EPB41L4A: variants seen among roughly 807,000 people sequenced by gnomAD.
EPB41L4A encodes erythrocyte membrane protein band 4.1 like 4A.
EPB41L4A carries 100 observed loss-of-function variants against 108.6 expected under a neutral mutation model. That is an observed-to-expected ratio of 0.92 (90% confidence interval 0.78 to 1.09). The LOEUF (loss-of-function observed/expected upper bound fraction) is 1.09. EPB41L4A is among the 50% of genes least tolerant of loss of function. The probability of loss-of-function intolerance (pLI) is 0.00; values close to 1 mark genes in which losing one functional copy is unlikely to be tolerated. For synonymous variants in EPB41L4A, 319 were observed against 289.0 expected (o/e 1.10, Z -1.05); for missense variants, 1,030 against 842.7 (o/e 1.22, Z -2.75).
intron 1 of EPB41L4A, among the ~76,000 whole-genome samples, chr5:112,417,362 C>T (rs546071158): frequency 6.6e-6 from 1 of 152,290 alleles, no homozygotes; most frequent in East Asian, 1.9e-4. Flanking sequence ...ACTTTAGACT[C>T]CAGATAATTT....
At position 112,184,051 on chromosome 5, in the gene EPB41L4A, G is replaced by A. The variant is rs1178927913; in HGVS notation, c.1587C>T (p.Asp529=). The change falls in exon 18 of 23, where the codon GAC becomes GAT. Residue 529 remains aspartate, a synonymous_variant. Transcript: ENST00000261486. The part of the protein sequence containing the change: ...LRRQKEKNQA[D]PNNRRSRHRS... Reference sequence around the variant, plus strand: ...TGTGTCTGGATCGCCTGTTGTTGGGGTCGGCTTGGTTTTTTTCCTTTTGTC... The same window carrying A: ...TGTGTCTGGATCGCCTGTTGTTGGGATCGGCTTGGTTTTTTTCCTTTTGTC... 1.2e-6 allele frequency: 2 copies of A among 1,614,024 alleles called. No homozygotes were observed. The highest frequency in any genetic ancestry group is 1.7e-6 in the Non-Finnish European group (2 of 1,179,942).
chr5:112,419,605 G>C (rs772815899), upstream of EPB41L4A: 5 of 454,978 alleles, frequency 1.1e-5, no homozygotes, highest in Middle Eastern at 1.6e-3. Flanking sequence ...AGTATGAAGC[G>C]CTCGGCTTTT....
At chr5:112,289,049 A>G (rs994409049) in intron 2 of EPB41L4A, among the ~76,000 whole-genome samples, 9 of 152,206 alleles carry the variant, frequency 5.9e-5, no homozygotes, top group Non-Finnish European at 1.3e-4. Flanking sequence ...GTATTAAAAC[A>G]TGTCTTTAAA....
At position 112,312,030 on chromosome 5, in the gene EPB41L4A, A is replaced by T. The variant is rs548190942; in HGVS notation, c.100-4540T>A. ...ATGACAATGAGAAGGTACAGATTTTAAAAATATGTAAATCAAATCTGTCTT... is the reference window on the plus strand; with the variant it reads ...ATGACAATGAGAAGGTACAGATTTTTAAAATATGTAAATCAAATCTGTCTT... On this transcript the variant is annotated intron_variant, in intron 1 of 22. Transcript: ENST00000261486. Among the ~76,000 whole-genome samples the T allele has an allele frequency of 2.0e-4, 31 of 152,368 alleles. No individual in the cohort carries two copies. In the East Asian group the frequency reaches 5.0e-3, roughly 25 times the overall value.
chr5:112,143,557 C>T (rs536304978), exon 14 of EPB41L4A: 2 of 167,960 alleles, frequency 1.2e-5, no homozygotes, highest in Admixed American at 1.3e-4. Context: ...AGACTGAGAT[C>T]CAGACCTCAA....
intron 1 of EPB41L4A, among the ~76,000 whole-genome samples, chr5:112,370,905 C>T (rs946036386): frequency 3.3e-5 from 5 of 152,200 alleles, no homozygotes; most frequent in African/African-American, 1.2e-4. Context: ...CACCACTGCA[C>T]TCCAGCCTGG....
chr5:112,151,053 T>C (rs1759445646), intron 12 of EPB41L4A, among the ~76,000 whole-genome samples: 2 of 152,170 alleles, frequency 1.3e-5, no homozygotes, highest in Non-Finnish European at 2.9e-5. Flanking sequence ...GCATTTCTAA[T>C]AAGCTCTCTA....
intron 1 of EPB41L4A, among the ~76,000 whole-genome samples, chr5:112,412,407 C>T (rs10039730): frequency 2.0e-5 from 3 of 152,092 alleles, no homozygotes; most frequent in Non-Finnish European, 4.4e-5. Context: ...ATTCACAATA[C>T]GCAGCATTAA....
chr5:112,222,071 T>C (rs1748093611), intron 12 of EPB41L4A, among the ~76,000 whole-genome samples: 1 of 152,208 alleles, frequency 6.6e-6, no homozygotes, highest in African/African-American at 2.4e-5. Flanking sequence ...TCCCCCTCTC[T>C]CTTGGCTAGG....
At chr5:112,379,615 C>T (rs1184349560) in intron 1 of EPB41L4A, among the ~76,000 whole-genome samples, 1 of 152,182 alleles carries the variant, frequency 6.6e-6, no homozygotes, top group East Asian at 1.9e-4. Context: ...CCTGCTTTCT[C>T]ATCTGCAAAA....
intron 1 of EPB41L4A, among the ~76,000 whole-genome samples, chr5:112,324,057 T>C (rs1755984380): frequency 6.6e-6 from 1 of 152,198 alleles, no homozygotes; most frequent in African/African-American, 2.4e-5. Context: ...TTTGAGGATA[T>C]GCTCTAATAG....
At chr5:112,339,474 C>A (rs28436998) in intron 1 of EPB41L4A, among the ~76,000 whole-genome samples, 35 of 115,680 alleles carry the variant, frequency 3.0e-4, no homozygotes, top group Admixed American at 1.5e-3. Context: ...ATATATATAT[C>A]TATATATATA....
chr5:112,353,972 A>AT (rs34634501), intron 1 of EPB41L4A, among the ~76,000 whole-genome samples: 4 of 152,204 alleles, frequency 2.6e-5, no homozygotes, highest in Admixed American at 2.6e-4. Context: ...GGGCATCAGC[A>AT]TTTTTTAAAG....
intron 12 of EPB41L4A, among the ~76,000 whole-genome samples, chr5:112,229,510 A>G (rs1009329321): frequency 9.9e-5 from 15 of 152,052 alleles, no homozygotes; most frequent in African/African-American, 3.4e-4. Context: ...TGCCCTCATC[A>G]CCCAAGCAGT....
At chr5:112,214,938 T>C (rs1458610561) in intron 12 of EPB41L4A, among the ~76,000 whole-genome samples, 1 of 152,108 alleles carries the variant, frequency 6.6e-6, no homozygotes, top group Non-Finnish European at 1.5e-5. Context: ...ATTTGACATA[T>C]AAAACAAAAT....
intron 1 of EPB41L4A, among the ~76,000 whole-genome samples, chr5:112,340,268 T>C (rs1757228022): frequency 6.6e-6 from 1 of 152,146 alleles, no homozygotes; most frequent in African/African-American, 2.4e-5. Context: ...TTCTTAAAAC[T>C]TTAGGATGCA....
chr5:112,357,011 A>C (rs1758400060), intron 1 of EPB41L4A, among the ~76,000 whole-genome samples: 1 of 152,170 alleles, frequency 6.6e-6, no homozygotes, highest in African/African-American at 2.4e-5. Context: ...TAGGTAACCT[A>C]TAAGATGGCC....
chr5:112,419,594 G>A (rs747985058), upstream of EPB41L4A: 3 of 454,348 alleles, frequency 6.6e-6, no homozygotes, highest in South Asian at 1.6e-5. Flanking sequence ...CAGATCCGCC[G>A]AGTATGAAGC....
At chr5:112,266,363 C>A in intron 4 of EPB41L4A, 33 bp from the exon 5 acceptor site, 1 of 1,460,330 alleles carries the variant, frequency 6.8e-7, no homozygotes, top group Non-Finnish European at 9.4e-7. Flanking sequence ...GATTAACGAT[C>A]TCTTACACTA....
Sources: allele counts gnomAD v4.1 joint callset (sites outside exome capture counted in the v4.1 genomes callset), GRCh38; gene constraint gnomAD v4.1.1; transcripts MANE v1.5; gene names NCBI Gene and HGNC (gene_info 2026-07-23, HGNC 2026-07-21).